Variants in POLR3H observed in about 807,000 individuals in gnomAD.
POLR3H encodes the protein DNA-directed RNA polymerase III subunit RPC8.
A neutral mutation model predicts 25.5 loss-of-function variants in POLR3H; 17 were observed. The observed-to-expected ratio is 0.67, with a 90% CI of 0.46 to 1.00. The LOEUF (loss-of-function observed/expected upper bound fraction) is 1.00, where lower values mean the gene tolerates loss of function less well. Ranked by LOEUF, POLR3H falls within the 50% of genes least tolerant of loss-of-function variation. The pLI, the probability that POLR3H is intolerant of heterozygous loss-of-function variation, is 0.00. For synonymous variants in POLR3H, 129 were observed against 103.0 expected (o/e 1.25, Z -1.53); for missense variants, 274 against 265.0 (o/e 1.03, Z -0.24).
At chr22:41,531,767 A>G (rs1253715022) in intron 4 of POLR3H, among the ~76,000 whole-genome samples, 2 of 152,220 alleles carry the variant, frequency 1.3e-5, no homozygotes, top group African/African-American at 2.4e-5. Flanking sequence ...GATCTTTAAG[A>G]TGATTCCTGC....
chr22:41,527,117 C>G lies in POLR3H; in HGVS notation c.*2166G>C. The G allele has an allele frequency of 2.1e-6, 2 of 951,382 alleles. No homozygotes were observed. Among genetic ancestry groups the G allele is most frequent in the Non-Finnish European group, 3.1e-6 (2 of 647,978 alleles). 58.9% of individuals were successfully genotyped at this position (951,382 alleles called of 1,614,324 possible). On this transcript the variant is annotated 3_prime_UTR_variant, in exon 6 of 6. Transcript: ENST00000355209. ...CGGGGCCTCGTTTGGGTCTCATTCACGCAGGCTTCACTTGCCCTTAGGCAG... is the reference window on the plus strand; with the variant it reads ...CGGGGCCTCGTTTGGGTCTCATTCAGGCAGGCTTCACTTGCCCTTAGGCAG...
At chr22:41,543,835 C>A in intron 1 of POLR3H, 156 bp downstream of exon 1, 1 of 712,552 alleles carries the variant, frequency 1.4e-6, no homozygotes, top group African/African-American at 1.7e-5. Context: ...TCTTTTGATC[C>A]CCTTCAATAT....
intron 2 of POLR3H, among the ~76,000 whole-genome samples, chr22:41,536,392 C>T (rs116716483): frequency 0.013 from 1,948 of 151,112 alleles, 50 homozygotes; most frequent in African/African-American, 0.045. Flanking sequence ...GAGACTCCAT[C>T]TTAAAAAAAA....
intron 2 of POLR3H, chr22:41,540,076 G>A (rs2066905511): frequency 1.1e-5 from 2 of 180,218 alleles, no homozygotes; most frequent in Non-Finnish European, 2.4e-5. Flanking sequence ...ACAGAGCAAT[G>A]ACATATTCAG....
chr22:41,526,575 C>A lies in POLR3H; in HGVS notation c.*2708G>T. On this transcript the variant is annotated 3_prime_UTR_variant, in exon 6 of 6. Coordinates refer to ENST00000355209, the MANE Select transcript of POLR3H (RefSeq NM_001018050.4). ...GGAGGCCGACCAAGCCCAAAGGGGACTGCTGTGGAAGGGAGGAGAGGCCTG... is the reference window on the plus strand; with the variant it reads ...GGAGGCCGACCAAGCCCAAAGGGGAATGCTGTGGAAGGGAGGAGAGGCCTG... 1 of 1,154,894 alleles carries A rather than the reference C, an allele frequency of 8.7e-7. No homozygotes were observed. Among genetic ancestry groups the A allele is most frequent in the Non-Finnish European group, 1.2e-6 (1 of 834,926 alleles). 71.5% of individuals were successfully genotyped at this position (1,154,894 alleles called of 1,614,324 possible).
At chr22:41,530,661 G>T (rs761306951) in intron 5 of POLR3H, 26 bp downstream of exon 5, 2 of 1,592,624 alleles carry the variant, frequency 1.3e-6, no homozygotes, top group South Asian at 2.2e-5. Flanking sequence ...CCTCATGGGG[G>T]CTTCAGCACC....
At chr22:41,531,405 C>T (rs2066731244) in intron 4 of POLR3H, among the ~76,000 whole-genome samples, 1 of 152,208 alleles carries the variant, frequency 6.6e-6, no homozygotes, top group Non-Finnish European at 1.5e-5. Flanking sequence ...CATGCAGACC[C>T]AGAGCCGTGC....
chr22:41,526,163 C>T lies in POLR3H; in HGVS notation c.*3120G>A, dbSNP rs911036617. The T allele has an allele frequency of 1.8e-6, 2 of 1,126,854 alleles. No homozygotes were observed. Among genetic ancestry groups the T allele is most frequent in the Non-Finnish European group, 2.6e-6 (2 of 780,244 alleles). The allele number at this position is 1,126,854 out of a possible 1,614,324, so 69.8% of individuals were successfully genotyped here. A position where few individuals can be genotyped will look rare whatever the true frequency, so the allele number is the denominator to read the frequency against. Reference sequence around the variant, plus strand: ...CCTGCCTCTCACCCCTCTGTCACCCCTCCTGGGCCCCGGGGCCTGCTGCCT... The same window carrying T: ...CCTGCCTCTCACCCCTCTGTCACCCTTCCTGGGCCCCGGGGCCTGCTGCCT... On this transcript the variant is annotated 3_prime_UTR_variant, in exon 6 of 6. Coordinates refer to ENST00000355209, the MANE Select transcript of POLR3H (RefSeq NM_001018050.4).
At chr22:41,543,119 G>A (rs1601970201) in intron 1 of POLR3H, among the ~76,000 whole-genome samples, 1 of 152,126 alleles carries the variant, frequency 6.6e-6, no homozygotes, top group Non-Finnish European at 1.5e-5. Flanking sequence ...TCAAGGAGAG[G>A]GAAAGGAAAA....
Position 41,527,932 on chromosome 22 carries a change from TCTGACCTTCG to T in POLR3H, c.*1341_*1350del, listed in dbSNP as rs763313864. ...ACCTGAAGAAACAGGGCCTGCTGCCTCTGACCTTCGCTGACCCGGCTGACTACAACAAGAT... is the reference window on the plus strand; with the variant it reads ...ACCTGAAGAAACAGGGCCTGCTGCCTCTGACCCGGCTGACTACAACAAGAT... On this transcript the variant is annotated 3_prime_UTR_variant, in exon 6 of 6. Coordinates refer to ENST00000355209, the MANE Select transcript of POLR3H (RefSeq NM_001018050.4). 1 of 1,614,140 alleles carries T rather than the reference TCTGACCTTCG, an allele frequency of 6.2e-7. No individual in the cohort carries two copies. Among genetic ancestry groups the T allele is most frequent in the Admixed American group, 1.7e-5 (1 of 60,012 alleles).
At chr22:41,538,322 A>T (rs1375123472) in intron 2 of POLR3H, among the ~76,000 whole-genome samples, 2 of 151,870 alleles carry the variant, frequency 1.3e-5, no homozygotes, top group Non-Finnish European at 2.9e-5. Context: ...TTTAGTAGAG[A>T]CAGGGTTTCA....
chr22:41,530,693 C>T lies in POLR3H; in HGVS notation c.555G>A (p.Thr185=), dbSNP rs142515627. The change falls in exon 5 of 6, where the codon ACG becomes ACA. Residue 185 remains threonine, a synonymous_variant. Transcript: ENST00000355209. ...EELPKKEAPY[T]LVGSISEPGL... ...CACCATCAGAGCCACTCACCACAAG[C>T]GTGTACGGAGCCTCCTTCTTTGGCA... is the stretch of plus-strand genomic sequence containing the variant. 2.9e-5 allele frequency: 46 copies of T among 1,612,438 alleles called. No homozygotes were observed. Among genetic ancestry groups the T allele is most frequent in the South Asian group, 1.1e-4 (10 of 90,932 alleles).
chr22:41,528,330 C>G lies in POLR3H; in HGVS notation c.*953G>C. 1 of 1,196,450 alleles carries G rather than the reference C, an allele frequency of 8.4e-7. No homozygotes were observed. Among genetic ancestry groups the G allele is most frequent in the South Asian group, 1.5e-5 (1 of 64,790 alleles). The allele number at this position is 1,196,450 out of a possible 1,614,324, so 74.1% of individuals were successfully genotyped here. A position where few individuals can be genotyped will look rare whatever the true frequency, so the allele number is the denominator to read the frequency against. On this transcript the variant is annotated 3_prime_UTR_variant, in exon 6 of 6. Transcript: ENST00000355209. ...CCTGTAGGTGCCACCTGGGTCTGAC[C>G]TGGGCCATCAGGCACAGACTGGCCT...
At chr22:41,539,001 G>C (rs1156448242) in intron 2 of POLR3H, 1 of 152,358 alleles carries the variant, frequency 6.6e-6, no homozygotes. Flanking sequence ...AGTGGCTCAC[G>C]CCTGTAATCC....
intron 3 of POLR3H, chr22:41,532,458 G>GCT: frequency 1.1e-6 from 1 of 949,036 alleles, no homozygotes; most frequent in Admixed American, 2.8e-5. Context: ...GAAGTCCTGA[G>GCT]TGACGGCCTC....
At chr22:41,543,781 G>C (rs1191019506) in intron 1 of POLR3H, 1 of 694,384 alleles carries the variant, frequency 1.4e-6, no homozygotes, top group Non-Finnish European at 2.7e-6. Flanking sequence ...TAGAATTGTG[G>C]AATCTAACAC....
intron 1 of POLR3H, among the ~76,000 whole-genome samples, chr22:41,543,473 C>A (rs984552162): frequency 6.6e-6 from 1 of 152,012 alleles, no homozygotes; most frequent in African/African-American, 2.4e-5. Flanking sequence ...CAAAAATTAG[C>A]TGGGGGTGGT....
Position 41,527,836 on chromosome 22 carries a change from G to A in POLR3H, c.*1447C>T, listed in dbSNP as rs1054580174. 4 of 1,612,198 alleles carry A rather than the reference G, an allele frequency of 2.5e-6. No homozygotes were observed. In the African/African-American group the frequency reaches 4.0e-5, roughly 16 times the overall value. ...GGGCATCTCCCAGAGCCCCAGATGG[G>A]TTCAGAAAATGAAGCTCTCCAGGCT... On this transcript the variant is annotated 3_prime_UTR_variant, in exon 6 of 6. Coordinates refer to ENST00000355209, the MANE Select transcript of POLR3H (RefSeq NM_001018050.4).
At chr22:41,541,066 C>A (rs1429679286) in intron 1 of POLR3H, among the ~76,000 whole-genome samples, 1 of 152,170 alleles carries the variant, frequency 6.6e-6, no homozygotes, top group African/African-American at 2.4e-5. Context: ...GGTCACTTCA[C>A]CTCTCTGAGC....
Sources: gnomAD v4.1 joint callset for allele counts (sites outside exome capture counted in the v4.1 genomes callset) on GRCh38, gnomAD v4.1.1 for gene constraint, MANE v1.5 for transcripts, NCBI Gene and HGNC (gene_info 2026-07-23, HGNC 2026-07-21) for gene names.